Variants in SYT7 observed in about 807,000 individuals in gnomAD.
SYT7 encodes the protein synaptotagmin 7.
A neutral mutation model predicts 75.1 loss-of-function variants in SYT7; 29 were observed. The observed-to-expected ratio is 0.39, with a 90% CI of 0.29 to 0.53. SYT7 has a LOEUF of 0.53. SYT7 is among the 20% of genes least tolerant of loss of function. The probability of loss-of-function intolerance (pLI) is 0.77; values close to 1 mark genes in which losing one functional copy is unlikely to be tolerated. For missense variants in SYT7, 693 were observed against 953.2 expected (o/e 0.73, Z 3.59); for synonymous variants, 376 against 401.7 (o/e 0.94, Z 0.76).
intron 1 of SYT7, among the ~76,000 whole-genome samples, chr11:61,565,535 C>T (rs2063743775): frequency 6.6e-6 from 1 of 152,218 alleles, no homozygotes; most frequent in Non-Finnish European, 1.5e-5. Context: ...TCCAGGCCAC[C>T]CACCTGGGGA....
chr11:61,567,652 C>G (rs2063808075), intron 1 of SYT7, among the ~76,000 whole-genome samples: 1 of 152,250 alleles, frequency 6.6e-6, no homozygotes. Flanking sequence ...GCCCCGCGAA[C>G]GTGGTAAATA....
chr11:61,552,929 C>T (rs2135323537), intron 2 of SYT7, among the ~76,000 whole-genome samples: 1 of 152,320 alleles, frequency 6.6e-6, no homozygotes, highest in Non-Finnish European at 1.5e-5. Flanking sequence ...ACTTCAGCTC[C>T]TATCTCCCGG....
intron 8 of SYT7, 118 bp downstream of exon 8, chr11:61,532,871 C>T (rs1263653037): frequency 2.8e-6 from 4 of 1,435,958 alleles, no homozygotes; most frequent in Non-Finnish European, 3.7e-6. Context: ...TGCTTCTGAC[C>T]CAGTTCCCTG....
At position 61,580,753 on chromosome 11, in the gene SYT7, G is replaced by T; in HGVS notation, c.31+37C>A. The T allele has an allele frequency of 1.6e-6, 2 of 1,218,330 alleles. No homozygotes were observed. Among genetic ancestry groups the T allele is most frequent in the African/African-American group, 1.6e-5 (1 of 63,294 alleles). The allele number at this position is 1,218,330 out of a possible 1,614,324, so 75.5% of individuals were successfully genotyped here. ...CGGCGCTGCCGCTGTCCTGCCCGCC[G>T]GTGCGGGGCGCCCCAGCCCGCCGGG... On this transcript the variant is annotated intron_variant, in intron 1 of 12. Coordinates refer to ENST00000539008, the MANE Select transcript of SYT7 (RefSeq NM_001365809.2). The surrounding 1 kb of genome is among the most constrained non-coding windows in gnomAD (Gnocchi z 6.1).
At chr11:61,557,949 G>A (rs2063539917) in intron 1 of SYT7, among the ~76,000 whole-genome samples, 1 of 152,226 alleles carries the variant, frequency 6.6e-6, no homozygotes, top group South Asian at 2.1e-4. Flanking sequence ...ACGGCCCATG[G>A]CCAGGACTCC....
At chr11:61,518,837 C>A (rs981476120) in intron 12 of SYT7, 106 bp from the exon 13 acceptor site, 6 of 719,374 alleles carry the variant, frequency 8.3e-6, no homozygotes, top group Non-Finnish European at 1.3e-5. Flanking sequence ...TAGCCTGTGG[C>A]CCCCCAGCCT....
chr11:61,540,687 G>GT, intron 6 of SYT7: 1 of 985,538 alleles, frequency 1.0e-6, no homozygotes, highest in Middle Eastern at 5.2e-4. Flanking sequence ...CCCTGGCCCA[G>GT]TTTAATGGCT....
rs1276632803 is a variant in SYT7, at chr11:61,517,164, T to G, written c.*1463A>C. 2 of 397,802 alleles carry G rather than the reference T, an allele frequency of 5.0e-6. No homozygotes were observed. Among genetic ancestry groups the G allele is most frequent in the Non-Finnish European group, 8.9e-6 (2 of 225,878 alleles). 24.6% of individuals were successfully genotyped at this position (397,802 alleles called of 1,614,324 possible). The stretch of plus-strand genomic sequence containing the variant: ...CTCGTGGACCCCCAGGATTGGAGGC[T>G]TTGTCACCAGCTGGGTCTTGTATCA... On this transcript the variant is annotated 3_prime_UTR_variant, in exon 13 of 13. Coordinates refer to ENST00000539008, the MANE Select transcript of SYT7 (RefSeq NM_001365809.2).
At chr11:61,536,445 G>A (rs1471380127) in intron 7 of SYT7, among the ~76,000 whole-genome samples, 2 of 152,170 alleles carry the variant, frequency 1.3e-5, no homozygotes, top group East Asian at 1.9e-4. Flanking sequence ...TTCAGAGGAC[G>A]CCAGCCACCC....
chr11:61,527,209 G>A (rs987940966), intron 9 of SYT7, among the ~76,000 whole-genome samples: 1 of 152,232 alleles, frequency 6.6e-6, no homozygotes, highest in African/African-American at 2.4e-5. Flanking sequence ...CCCGTCCCAT[G>A]CGGGGGAGGG....
At position 61,538,150 on chromosome 11, in the gene SYT7, T is replaced by TC. The variant is rs1354848227; in HGVS notation, c.1057dup (p.Asp353GlyfsTer24). The TC allele has an allele frequency of 6.5e-7, 1 of 1,535,950 alleles. No homozygotes were observed. Among genetic ancestry groups the TC allele is most frequent in the East Asian group, 2.4e-5 (1 of 40,886 alleles). ...CCCTCGCCTGTGCTCGTACCTCTTG[T>TC]CCCCCTGAGCGTTCTGGTTCTGCTG... On this transcript the variant is annotated frameshift_variant, in exon 7 of 13. Coordinates refer to ENST00000539008, the MANE Select transcript of SYT7 (RefSeq NM_001365809.2). LOFTEE classifies it high-confidence loss of function.
chr11:61,567,312 C>G (rs1565205967), intron 1 of SYT7, among the ~76,000 whole-genome samples: 1 of 151,690 alleles, frequency 6.6e-6, no homozygotes, highest in Non-Finnish European at 1.5e-5. Context: ...ATTTACACGG[C>G]AAATATTAGG....
At chr11:61,548,583 C>T (rs561463922) in intron 3 of SYT7, among the ~76,000 whole-genome samples, 4 of 152,240 alleles carry the variant, frequency 2.6e-5, no homozygotes, top group East Asian at 1.9e-4. Flanking sequence ...CCAGGAAGAG[C>T]GCTGGGGTGG....
In SYT7 at chr11:61,523,292, G is replaced by A. The variant is rs2062407502; in HGVS notation, c.1757-18C>T. 2 of 1,612,680 alleles carry A rather than the reference G, an allele frequency of 1.2e-6. No homozygotes were observed. Among genetic ancestry groups the A allele is most frequent in the Admixed American group, 1.7e-5 (1 of 59,992 alleles). ...GTAGGGGTCTAGGGGAGGGAGTGGGGAAGGGTTAGAGGGACCGTGGGGGAG... is the reference window on the plus strand; with the variant it reads ...GTAGGGGTCTAGGGGAGGGAGTGGGAAAGGGTTAGAGGGACCGTGGGGGAG... On this transcript the variant is annotated intron_variant, in intron 11 of 12. Coordinates refer to ENST00000539008, the MANE Select transcript of SYT7 (RefSeq NM_001365809.2). This position sits in a 1 kb window ranked among gnomAD's most constrained non-coding sequence, Gnocchi z 5.0.
rs1020060286 is a variant in SYT7, at chr11:61,542,260, G to A, written c.892C>T (p.His298Tyr). 3.4e-5 allele frequency: 52 copies of A among 1,535,186 alleles called. No homozygotes were observed. The highest frequency in any genetic ancestry group is 4.4e-5 in the Non-Finnish European group (50 of 1,146,504). Reference protein sequence around the residue: ...RSRSNPGSWDHVVGQIRNRGL... With the variant: ...RSRSNPGSWDYVVGQIRNRGL... ...CGGTTTCGAATCTGCCCCACCACGTGGTCCCAGCTGCCTGGGTTGGAGCGG... is the reference window on the plus strand; with the variant it reads ...CGGTTTCGAATCTGCCCCACCACGTAGTCCCAGCTGCCTGGGTTGGAGCGG... The change falls in exon 6 of 13, where the codon CAC becomes TAC. Residue 298 changes from histidine (H) to tyrosine (Y), a missense_variant. Transcript: ENST00000539008. This position sits in a 1 kb window ranked among gnomAD's most constrained non-coding sequence, Gnocchi z 7.8.
chr11:61,558,077 G>A (rs966295856), intron 1 of SYT7, among the ~76,000 whole-genome samples: 6 of 152,218 alleles, frequency 3.9e-5, no homozygotes, highest in African/African-American at 1.4e-4. Flanking sequence ...GAAAGCAGAT[G>A]AGCCCACACT....
chr11:61,529,252 T>G (rs1431969675), intron 8 of SYT7, among the ~76,000 whole-genome samples: 1 of 152,080 alleles, frequency 6.6e-6, no homozygotes, highest in Non-Finnish European at 1.5e-5. Flanking sequence ...CTCCCCAACT[T>G]CCCCTGTAGA....
intron 1 of SYT7, among the ~76,000 whole-genome samples, chr11:61,566,893 C>A (rs2063784167): frequency 6.6e-6 from 1 of 152,214 alleles, no homozygotes; most frequent in Non-Finnish European, 1.5e-5. Flanking sequence ...CTTTATCTCC[C>A]CGAGTCATAG....
Position 61,551,252 on chromosome 11 carries a change from A to C in SYT7, c.215+132T>G. On this transcript the variant is annotated intron_variant, in intron 3 of 12. Coordinates refer to ENST00000539008, the MANE Select transcript of SYT7 (RefSeq NM_001365809.2). This position sits in a 1 kb window ranked among gnomAD's most constrained non-coding sequence, Gnocchi z 5.3. ...GTTTTTGGGGGTGTGTGGAGGGTGT[A>C]GAGAGCATGGCATCGGGGTGTGGGG... The C allele has an allele frequency of 4.7e-6, 4 of 855,788 alleles. No homozygotes were observed. Among genetic ancestry groups the C allele is most frequent in the Non-Finnish European group, 7.4e-6 (4 of 537,526 alleles). 53.0% of individuals were successfully genotyped at this position (855,788 alleles called of 1,614,324 possible). A position where few individuals can be genotyped will look rare whatever the true frequency, so the allele number is the denominator to read the frequency against.
Sources: allele counts gnomAD v4.1 joint callset (sites outside exome capture counted in the v4.1 genomes callset), GRCh38; gene constraint gnomAD v4.1.1; non-coding constraint Gnocchi (gnomAD v3.1); transcripts MANE v1.5; gene names NCBI Gene and HGNC (gene_info 2026-07-23, HGNC 2026-07-21).